Variants in E2F3 observed in about 807,000 individuals in gnomAD.
The protein encoded by E2F3 is E2F transcription factor 3, also known as transcription factor E2F3.
A neutral mutation model predicts 44.4 loss-of-function variants in E2F3; 11 were observed. That is an observed-to-expected ratio of 0.25 (90% CI 0.16 to 0.41). E2F3 has a LOEUF of 0.41. Ranked by LOEUF, E2F3 falls within the 10% of genes least tolerant of loss-of-function variation. The probability of loss-of-function intolerance (pLI) is 1.00; values close to 1 mark genes in which losing one functional copy is unlikely to be tolerated. For missense variants in E2F3, 487 were observed against 583.6 expected (o/e 0.83, Z 1.70); for synonymous variants, 249 against 253.0 (o/e 0.98, Z 0.15).
intron 1 of E2F3, among the ~76,000 whole-genome samples, chr6:20,411,898 C>T (rs751357082): frequency 6.6e-6 from 1 of 152,190 alleles, no homozygotes; most frequent in Admixed American, 6.5e-5. Context: ...TCCAAGAAAT[C>T]GGTCTGGCTT....
At chr6:20,487,895 T>C (rs1274131893) in intron 5 of E2F3, among the ~76,000 whole-genome samples, 2 of 152,198 alleles carry the variant, frequency 1.3e-5, no homozygotes, top group Non-Finnish European at 2.9e-5. Flanking sequence ...AATAAAACTT[T>C]ATTTACAAAG....
intron 1 of E2F3, among the ~76,000 whole-genome samples, chr6:20,434,051 A>C (rs2127593995): frequency 6.6e-6 from 1 of 152,340 alleles, no homozygotes; most frequent in Non-Finnish European, 1.5e-5. Flanking sequence ...TCACCTTATC[A>C]GGACTGTAAG....
At chr6:20,462,855 CTCTCTTTTTTTT>C (rs1761562698) in intron 1 of E2F3, among the ~76,000 whole-genome samples, 5 of 114,930 alleles carry the variant, frequency 4.4e-5, no homozygotes, top group Admixed American at 1.1e-4. Flanking sequence ...CTTTCTCTCT[CTCTCTTTTTTTT>C]TTTTTTTTTT....
chr6:20,475,248 A>T (rs1232523177), intron 1 of E2F3, among the ~76,000 whole-genome samples: 1 of 152,214 alleles, frequency 6.6e-6, no homozygotes, highest in East Asian at 1.9e-4. Flanking sequence ...TAGTAACGAG[A>T]GTTACACATG....
In E2F3 at chr6:20,481,436, G is replaced by T. The variant is rs1480334998; in HGVS notation, c.725+11G>T. 1 of 1,613,380 alleles carries T rather than the reference G, an allele frequency of 6.2e-7. No individual in the cohort carries two copies. Among genetic ancestry groups the T allele is most frequent in the East Asian group, 2.2e-5 (1 of 44,874 alleles). ...CAACGTCCAATGGATGTGAGTAGGA[G>T]TCCTCCCCATGCCCCGGCTCTGAGG... On this transcript the variant is annotated intron_variant, in intron 3 of 6. Transcript: ENST00000346618.
intron 1 of E2F3, among the ~76,000 whole-genome samples, chr6:20,473,733 G>A (rs1404217607): frequency 6.6e-6 from 1 of 152,084 alleles, no homozygotes; most frequent in Non-Finnish European, 1.5e-5. Flanking sequence ...CTCCAGGCTC[G>A]CACCCTACTG....
At chr6:20,478,336 C>T (rs556253039) in intron 1 of E2F3, among the ~76,000 whole-genome samples, 18 of 152,274 alleles carry the variant, frequency 1.2e-4, no homozygotes, top group African/African-American at 2.9e-4. Context: ...ACTAAGTCTT[C>T]GAAATTCAGT....
At chr6:20,433,022 A>G (rs1760458600) in intron 1 of E2F3, among the ~76,000 whole-genome samples, 2 of 152,132 alleles carry the variant, frequency 1.3e-5, no homozygotes, top group Non-Finnish European at 2.9e-5. Context: ...TTCATGTTTT[A>G]TTAACATTCA....
intron 6 of E2F3, among the ~76,000 whole-genome samples, chr6:20,488,943 G>A (rs528269277): frequency 1.0e-3 from 159 of 152,126 alleles, no homozygotes; most frequent in Non-Finnish European, 1.9e-3. Context: ...GCAGTGAGCC[G>A]AGATCCGCCA....
intron 1 of E2F3, among the ~76,000 whole-genome samples, chr6:20,458,688 T>A (rs1761396044): frequency 6.6e-6 from 1 of 152,204 alleles, no homozygotes; most frequent in African/African-American, 2.4e-5. Context: ...GGCTTGTCAG[T>A]AAAACTCTGG....
intron 1 of E2F3, among the ~76,000 whole-genome samples, chr6:20,433,917 A>G (rs1161589292): frequency 6.6e-6 from 1 of 152,182 alleles, no homozygotes; most frequent in African/African-American, 2.4e-5. Flanking sequence ...ATTCCTATCA[A>G]ATGTGGTCCC....
chr6:20,438,195 A>G (rs1202927158), intron 1 of E2F3, among the ~76,000 whole-genome samples: 1 of 152,196 alleles, frequency 6.6e-6, no homozygotes, highest in Admixed American at 6.5e-5. Flanking sequence ...TTTACCTTAC[A>G]CAGTCGTGAG....
At position 20,490,106 on chromosome 6, in the gene E2F3, C is replaced by A; in HGVS notation, c.1136-62C>A. 1 of 1,498,648 alleles carries A rather than the reference C, an allele frequency of 6.7e-7. No homozygotes were observed. The allele number at this position is 1,498,648 out of a possible 1,614,324, so 92.8% of individuals were successfully genotyped here. ...TTCTAACAGCAACATATACATTCTT[C>A]CAGAAAAATTCATTTGATTTTTCTA... On this transcript the variant is annotated intron_variant, in intron 6 of 6. Transcript: ENST00000346618. This position sits in a 1 kb window ranked among gnomAD's most constrained non-coding sequence, Gnocchi z 4.3.
chr6:20,447,294 G>A (rs116342903), intron 1 of E2F3, among the ~76,000 whole-genome samples: 1,793 of 152,156 alleles, frequency 0.012, 13 homozygotes, highest in Non-Finnish European at 0.019. Context: ...AATGAGCTAA[G>A]CAGTACTACG....
intron 1 of E2F3, among the ~76,000 whole-genome samples, chr6:20,461,664 A>T (rs1348430093): frequency 6.6e-6 from 1 of 152,130 alleles, no homozygotes; most frequent in Non-Finnish European, 1.5e-5. Context: ...TGCCGTATAC[A>T]TTCTGAGGTT....
rs1283049579 is a variant in E2F3, at chr6:20,490,027, A to G, written c.1136-141A>G. On this transcript the variant is annotated intron_variant, in intron 6 of 6. Coordinates refer to ENST00000346618, the MANE Select transcript of E2F3 (RefSeq NM_001949.5). This position sits in a 1 kb window ranked among gnomAD's most constrained non-coding sequence, Gnocchi z 4.3. ...TTTGTACCTGTTAGCATAAAAGGTG[A>G]TCTGCATCATAAAGTCGTCTCATTG... is the stretch of plus-strand genomic sequence containing the variant. 3 of 916,438 alleles carry G rather than the reference A, an allele frequency of 3.3e-6. No homozygotes were observed. The highest frequency in any genetic ancestry group is 4.8e-6 in the Non-Finnish European group (3 of 626,702). The allele number at this position is 916,438 out of a possible 1,614,324, so 56.8% of individuals were successfully genotyped here.
intron 1 of E2F3, among the ~76,000 whole-genome samples, chr6:20,446,221 T>C (rs1190703415): frequency 6.6e-6 from 1 of 152,216 alleles, no homozygotes; most frequent in Non-Finnish European, 1.5e-5. Context: ...AAATTGGTTA[T>C]TAGACGGGTT....
At chr6:20,472,511 A>G (rs80314233) in intron 1 of E2F3, among the ~76,000 whole-genome samples, 3,714 of 151,616 alleles carry the variant, frequency 0.024, 90 homozygotes, top group East Asian at 0.058. Context: ...AAATAGCAAG[A>G]CCTCATCTCT....
At chr6:20,411,840 G>A (rs1759684334) in intron 1 of E2F3, among the ~76,000 whole-genome samples, 1 of 152,152 alleles carries the variant, frequency 6.6e-6, no homozygotes, top group Admixed American at 6.5e-5. Flanking sequence ...CTGCCTCGTA[G>A]CCTAATCTTG....
Sources: allele counts gnomAD v4.1 joint callset (sites outside exome capture counted in the v4.1 genomes callset), GRCh38; gene constraint gnomAD v4.1.1; non-coding constraint Gnocchi (gnomAD v3.1); transcripts MANE v1.5; gene names NCBI Gene and HGNC (gene_info 2026-07-23, HGNC 2026-07-21).